The following CDH18 variants were observed in gnomAD, a reference collection of about 807,000 sequenced individuals.
CDH18 encodes cadherin-18.
CDH18 carries 31 observed loss-of-function variants against 67.9 expected under a neutral mutation model. The observed-to-expected ratio is 0.46, with a 90% CI of 0.34 to 0.62. CDH18 has a LOEUF of 0.62. Among genes scored for constraint, CDH18 ranks in the 20% least tolerant of loss-of-function variants. CDH18 has a pLI of 0.01. For synonymous variants in CDH18, 362 were observed against 347.2 expected (o/e 1.04, Z -0.48); for missense variants, 890 against 975.5 (o/e 0.91, Z 1.17).
intron 5 of CDH18, among the ~76,000 whole-genome samples, chr5:19,643,729 T>C: frequency 6.6e-6 from 1 of 152,242 alleles, no homozygotes; most frequent in South Asian, 2.1e-4. Flanking sequence ...AAAGTCTTAG[T>C]TATGCAAAAT....
chr5:20,515,057 C>G (rs1412642917), intron 1 of CDH18, among the ~76,000 whole-genome samples: 1 of 151,134 alleles, frequency 6.6e-6, no homozygotes, highest in Non-Finnish European at 1.5e-5. Context: ...AGAGAAACAG[C>G]AATATAAATA....
intron 5 of CDH18, among the ~76,000 whole-genome samples, chr5:19,643,177 T>C (rs1754269139): frequency 6.6e-6 from 1 of 152,014 alleles, no homozygotes; most frequent in African/African-American, 2.4e-5. Context: ...TGTCACAAAA[T>C]AAATGATAAT....
intron 2 of CDH18, among the ~76,000 whole-genome samples, chr5:20,233,189 T>C (rs1423711611): frequency 1.3e-5 from 2 of 150,768 alleles, no homozygotes; most frequent in African/African-American, 2.4e-5. Context: ...ACTTTAAATA[T>C]TATATTAGTA....
At chr5:19,497,903 T>C (rs1329157526) in intron 11 of CDH18, among the ~76,000 whole-genome samples, 1 of 152,194 alleles carries the variant, frequency 6.6e-6, no homozygotes, top group Non-Finnish European at 1.5e-5. Flanking sequence ...GCTAGTCAGT[T>C]AGCCTGACAC....
chr5:19,522,894 CAAA>C (rs36099222), intron 9 of CDH18, among the ~76,000 whole-genome samples: 19,643 of 82,996 alleles, frequency 0.24, 1,266 homozygotes, highest in East Asian at 0.33. Flanking sequence ...GACTCCTTCT[CAAA>C]AAAAAAAAAA....
At chr5:19,650,139 T>C (rs1755366643) in intron 5 of CDH18, among the ~76,000 whole-genome samples, 3 of 152,172 alleles carry the variant, frequency 2.0e-5, no homozygotes, top group South Asian at 4.1e-4. Flanking sequence ...ATGTATGATA[T>C]GAAGCAATGT....
At chr5:20,533,995 T>A (rs1756567326) in intron 1 of CDH18, among the ~76,000 whole-genome samples, 1 of 152,052 alleles carries the variant, frequency 6.6e-6, no homozygotes, top group African/African-American at 2.4e-5. Context: ...AATTTTTAAA[T>A]GTTATTATAC....
At chr5:19,807,065 A>G (rs1010782381) in intron 3 of CDH18, among the ~76,000 whole-genome samples, 1 of 152,210 alleles carries the variant, frequency 6.6e-6, no homozygotes, top group Non-Finnish European at 1.5e-5. Flanking sequence ...GTATCTAAAT[A>G]TATCTAAACA....
At chr5:19,827,691 T>C (rs1231707739) in intron 3 of CDH18, among the ~76,000 whole-genome samples, 2 of 152,102 alleles carry the variant, frequency 1.3e-5, no homozygotes, top group Non-Finnish European at 2.9e-5. Context: ...TTGATATTCA[T>C]GAGAAAAAAG....
chr5:20,347,238 T>C (rs918966261), intron 1 of CDH18, among the ~76,000 whole-genome samples: 1 of 152,128 alleles, frequency 6.6e-6, no homozygotes, highest in South Asian at 2.1e-4. Flanking sequence ...CACCTAGAGG[T>C]CATCAAATTT....
intron 1 of CDH18, among the ~76,000 whole-genome samples, chr5:20,523,795 C>T (rs1755890820): frequency 6.6e-6 from 1 of 152,156 alleles, no homozygotes; most frequent in Non-Finnish European, 1.5e-5. Flanking sequence ...CCACCTTGGC[C>T]TCCCAAAGTG....
At chr5:20,180,656 C>T (rs945657728) in intron 2 of CDH18, among the ~76,000 whole-genome samples, 2 of 152,112 alleles carry the variant, frequency 1.3e-5, no homozygotes, top group African/African-American at 4.8e-5. Flanking sequence ...CCCTCACTAA[C>T]CTACCCCTGC....
intron 1 of CDH18, among the ~76,000 whole-genome samples, chr5:20,388,201 CT>C (rs1744485576): frequency 6.6e-6 from 1 of 152,000 alleles, no homozygotes; most frequent in South Asian, 2.1e-4. Flanking sequence ...TGGTCCTAGA[CT>C]TTTTTTGGTT....
At chr5:20,540,947 T>C (rs1023839258) in intron 1 of CDH18, among the ~76,000 whole-genome samples, 4 of 152,212 alleles carry the variant, frequency 2.6e-5, no homozygotes, top group Non-Finnish European at 4.4e-5. Flanking sequence ...GGGAAACTTG[T>C]CAATCAGTGA....
intron 7 of CDH18, among the ~76,000 whole-genome samples, chr5:19,576,613 T>C (rs1359573841): frequency 6.6e-6 from 1 of 152,068 alleles, no homozygotes; most frequent in Non-Finnish European, 1.5e-5. Flanking sequence ...GGCAAGGATG[T>C]GGAGAAAAGG....
intron 5 of CDH18, among the ~76,000 whole-genome samples, chr5:19,640,350 T>G (rs1753826468): frequency 6.6e-6 from 1 of 152,170 alleles, no homozygotes; most frequent in South Asian, 2.1e-4. Context: ...GAGGAGTAAG[T>G]GTAATGATTT....
intron 9 of CDH18, among the ~76,000 whole-genome samples, chr5:19,526,599 C>G (rs1316479820): frequency 1.3e-5 from 2 of 152,002 alleles, no homozygotes; most frequent in Non-Finnish European, 2.9e-5. Context: ...CTAATTTTTT[C>G]TTAAATATCA....
chr5:19,848,664 A>G (rs1250458763), intron 2 of CDH18, among the ~76,000 whole-genome samples: 1 of 151,996 alleles, frequency 6.6e-6, no homozygotes, highest in Non-Finnish European at 1.5e-5. Context: ...TCTAGCTTCC[A>G]TGAGGAGAAT....
chr5:20,199,828 T>C (rs1739302984), intron 2 of CDH18, among the ~76,000 whole-genome samples: 1 of 152,158 alleles, frequency 6.6e-6, no homozygotes, highest in East Asian at 1.9e-4. Context: ...TGAGTGAATT[T>C]TCACGAGATC....
Sources: gnomAD v4.1 joint callset for allele counts (sites outside exome capture counted in the v4.1 genomes callset) on GRCh38, gnomAD v4.1.1 for gene constraint, MANE v1.5 for transcripts, NCBI Gene and HGNC (gene_info 2026-07-23, HGNC 2026-07-21) for gene names.